The following SHOX variants were observed in gnomAD, a reference collection of about 807,000 sequenced individuals.
SHOX encodes the protein short stature homeobox protein.
In SHOX, 12 loss-of-function variants were observed where a neutral mutation model predicts 29.6. The observed-to-expected ratio is 0.41, with a 90% CI of 0.26 to 0.66. The LOEUF is 0.66. Ranked by LOEUF, SHOX falls within the 30% of genes least tolerant of loss-of-function variation. SHOX has a pLI of 0.35. For synonymous variants in SHOX, 214 were observed against 200.6 expected, an observed-to-expected ratio of 1.07 and a Z score of -0.57; for missense variants, 499 against 437.7, an observed-to-expected ratio of 1.14 and a Z score of -1.25.
In SHOX at chrX:645,390, A is replaced by ATTTTTTTTTTTTTTTTTT. The variant is rs1168989193; in HGVS notation, c.*770_*787dup. 3.8e-5 allele frequency: 3 copies of ATTTTTTTTTTTTTTTTTT among 78,364 alleles called. No homozygotes were observed. Among genetic ancestry groups the ATTTTTTTTTTTTTTTTTT allele is most frequent in the Non-Finnish European group, 4.7e-5 (2 of 42,272 alleles). The allele number at this position is 78,364 out of a possible 1,614,324, so 4.9% of individuals were successfully genotyped here. A position where few individuals can be genotyped will look rare whatever the true frequency, so the allele number is the denominator to read the frequency against. ...GGGTCTGGTTTTGTTTTGGATTGGT[A>ATTTTTTTTTTTTTTTTTT]TTTTTTTTTTTTTTTTTTTTTTTTT... is the stretch of plus-strand genomic sequence containing the variant. On this transcript the variant is annotated 3_prime_UTR_variant, in exon 5 of 5. Coordinates refer to ENST00000686671, the MANE Select transcript of SHOX (RefSeq NM_000451.4).
At chrX:639,016 ACCAGGCATAGGCTAAACTGCCTGCACTCT>A (rs1211183595) in intron 2 of SHOX, among the ~76,000 whole-genome samples, 30 of 152,172 alleles carry the variant, frequency 2.0e-4, no homozygotes, top group Admixed American at 2.0e-3. Flanking sequence ...TGTCCAGATT[ACCAGGCATAGGCTAAACTGCCTGCACTCT>A]CCAGCTGGTC....
intron 1 of SHOX, among the ~76,000 whole-genome samples, chrX:625,221 C>A: frequency 7.8e-6 from 1 of 128,886 alleles, no homozygotes; most frequent in East Asian, 2.5e-4. Context: ...TCCTCCTCCT[C>A]CTTCTCCCTC....
At chrX:638,327 T>G (rs1569494273) in intron 2 of SHOX, among the ~76,000 whole-genome samples, 2 of 152,074 alleles carry the variant, frequency 1.3e-5, no homozygotes, top group Admixed American at 1.3e-4. Context: ...AGGATTTTCT[T>G]TTTTGAAAAA....
chrX:650,062 G>C lies in SHOX; in HGVS notation c.*5426G>C, dbSNP rs2053031027. The C allele has an allele frequency of 2.2e-6, 1 of 454,506 alleles. No individual in the cohort carries two copies. Among genetic ancestry groups the C allele is most frequent in the Admixed American group, 2.4e-5 (1 of 42,296 alleles). 28.2% of individuals were successfully genotyped at this position (454,506 alleles called of 1,614,324 possible). A position where few individuals can be genotyped will look rare whatever the true frequency, so the allele number is the denominator to read the frequency against. On this transcript the variant is annotated 3_prime_UTR_variant, in exon 5 of 5. Coordinates refer to ENST00000686671, the MANE Select transcript of SHOX (RefSeq NM_000451.4). Reference sequence around the variant, plus strand: ...TGTTCCTGGCAATTGCCAAGAGTTAGAAAAATGCACCTTCTCTGGTGGCCG... The same window carrying C: ...TGTTCCTGGCAATTGCCAAGAGTTACAAAAATGCACCTTCTCTGGTGGCCG...
intron 1 of SHOX, 115 bp downstream of exon 1, chrX:631,289 C>T: frequency 7.5e-7 from 1 of 1,332,914 alleles, no homozygotes; most frequent in Non-Finnish European, 1.1e-6. Context: ...CCCGTCTCGC[C>T]AGGGTAAGGC....
chrX:632,429 G>T (rs1019876456), intron 1 of SHOX, among the ~76,000 whole-genome samples: 1 of 152,210 alleles, frequency 6.6e-6, no homozygotes, highest in African/African-American at 2.4e-5. Flanking sequence ...AGACGGCTAT[G>T]GACGCCTGTT....
In SHOX at chrX:624,873, T is replaced by TC. The variant is rs1169681247; in HGVS notation, c.-433+272dup. 3.5e-3 allele frequency among the ~76,000 whole-genome samples: 186 copies of TC among 53,618 alleles called. 1 individual carries two copies. Among genetic ancestry groups the TC allele is most frequent in the Middle Eastern group, 8.1e-3 (1 of 124 alleles). The allele number at this position is 53,618 out of a possible 152,430, so 35.2% of individuals were successfully genotyped here. A position where few individuals can be genotyped will look rare whatever the true frequency, so the allele number is the denominator to read the frequency against. On this transcript the variant is annotated intron_variant, in intron 1 of 5. Transcript: ENST00000334060. ...TTCCTCTTTCTTTCTTTTCTTTCTT[T>TC]CTTTCTTTCTTTCTTTCTTTCTTTC...
Position 634,702 on chromosome X carries a change from G to T in SHOX, c.362G>T (p.Arg121Leu). ...GQTKLKQRRSRTNFTLEQLNE... is the reference protein window; with the variant it reads ...GQTKLKQRRSLTNFTLEQLNE... Reference sequence around the variant, plus strand: ...ACCAAGCTGAAACAGAGGCGCAGCCGCACCAACTTCACGCTGGAGCAGCTG... The same window carrying T: ...ACCAAGCTGAAACAGAGGCGCAGCCTCACCAACTTCACGCTGGAGCAGCTG... Residue 121 changes from arginine to leucine, a missense_variant, in exon 2 of 5, where the codon CGC (arginine) becomes CTC (leucine). Transcript: ENST00000686671. 6.2e-7 allele frequency: 1 copy of T among 1,613,818 alleles called. No individual in the cohort carries two copies. The highest frequency in any genetic ancestry group is 8.5e-7 in the Non-Finnish European group (1 of 1,179,840).
At chrX:652,540 T>G (rs370111520), downstream of SHOX, among the ~76,000 whole-genome samples, 211 of 151,938 alleles carry the variant, frequency 1.4e-3, no homozygotes, top group African/African-American at 4.9e-3. Context: ...GCTTTCTCTG[T>G]GGGGGGCTCA....
chrX:636,964 A>G (rs895130038), intron 2 of SHOX, among the ~76,000 whole-genome samples: 3 of 139,650 alleles, frequency 2.1e-5, no homozygotes, highest in Admixed American at 7.2e-5. Context: ...ATATATATAT[A>G]TATATATTTT....
At chrX:626,198 C>G (rs2052529335), upstream of SHOX, among the ~76,000 whole-genome samples, 1 of 133,750 alleles carries the variant, frequency 7.5e-6, no homozygotes, top group Non-Finnish European at 1.6e-5. Flanking sequence ...TCGTTCCTCT[C>G]TCTCTTTTTC....
Position 630,958 on chromosome X carries a change from G to A in SHOX, c.61G>A (p.Gly21Ser), listed in dbSNP as rs773266910. 1.9e-6 allele frequency: 3 copies of A among 1,613,304 alleles called. No individual in the cohort carries two copies. Among genetic ancestry groups the A allele is most frequent in the East Asian group, 2.2e-5 (1 of 44,870 alleles). ...TGACCAGAAAAGCAAGGACGGTAACGGCGGAGGCGGAGGCGGCGGAGGTAA... is the reference window on the plus strand; with the variant it reads ...TGACCAGAAAAGCAAGGACGGTAACAGCGGAGGCGGAGGCGGCGGAGGTAA... Reference protein sequence around the residue: ...SFDQKSKDGNGGGGGGGGKKD... With the variant: ...SFDQKSKDGNSGGGGGGGKKD... The change falls in exon 1 of 5, where the codon GGC becomes AGC. Residue 21 changes from glycine (G) to serine (S), a missense_variant. Coordinates refer to ENST00000686671, the MANE Select transcript of SHOX (RefSeq NM_000451.4).
chrX:627,629 G>C (rs2052561622), upstream of SHOX, among the ~76,000 whole-genome samples: 1 of 151,994 alleles, frequency 6.6e-6, no homozygotes, highest in African/African-American at 2.4e-5. Flanking sequence ...AGTTGAAAAA[G>C]GGCCTTTGCT....
In SHOX at chrX:645,187, C is replaced by G. The variant is rs927374492; in HGVS notation, c.*551C>G. Reference sequence around the variant, plus strand: ...GGCCGGGCTCTCCTCCACCGCTCCCCCGGAGCCTCCCAGGCAGCAATAAGG... The same window carrying G: ...GGCCGGGCTCTCCTCCACCGCTCCCGCGGAGCCTCCCAGGCAGCAATAAGG... On this transcript the variant is annotated 3_prime_UTR_variant, in exon 5 of 5. Coordinates refer to ENST00000686671, the MANE Select transcript of SHOX (RefSeq NM_000451.4). 3.9e-5 allele frequency: 6 copies of G among 152,322 alleles called. No individual in the cohort carries two copies. Among genetic ancestry groups the G allele is most frequent in the African/African-American group, 1.2e-4 (5 of 41,434 alleles). The allele number at this position is 152,322 out of a possible 1,614,324, so 9.4% of individuals were successfully genotyped here. A position where few individuals can be genotyped will look rare whatever the true frequency, so the allele number is the denominator to read the frequency against.
intron 2 of SHOX, among the ~76,000 whole-genome samples, chrX:637,949 G>T (rs1038286006): frequency 2.0e-5 from 3 of 152,128 alleles, no homozygotes; most frequent in Non-Finnish European, 4.4e-5. Context: ...GCTTCTAATC[G>T]AAAGTTATGA....
intron 1 of SHOX, among the ~76,000 whole-genome samples, chrX:624,870 C>CTTTCT (rs764615151): frequency 0.036 from 1,780 of 49,624 alleles, 23 homozygotes; most frequent in African/African-American, 0.14. Context: ...TCTTTTCTTT[C>CTTTCT]TTTCTTTCTT....
At position 648,638 on chromosome X, in the gene SHOX, C is replaced by T. The variant is rs181628781; in HGVS notation, c.*4002C>T. Among the ~76,000 whole-genome samples the T allele has an allele frequency of 2.0e-5, 3 of 152,282 alleles. No individual in the cohort carries two copies. The highest frequency in any genetic ancestry group is 1.9e-4 in the East Asian group (1 of 5,180). On this transcript the variant is annotated 3_prime_UTR_variant, in exon 5 of 5. Coordinates refer to ENST00000686671, the MANE Select transcript of SHOX (RefSeq NM_000451.4). ...AGTGTCATCCTCACAAATGGGTCCC[C>T]GAAGCAGATCAAACGCAGAGAACTG...
chrX:626,893 C>G (rs1486333802), upstream of SHOX, among the ~76,000 whole-genome samples: 2 of 151,350 alleles, frequency 1.3e-5, no homozygotes, highest in African/African-American at 2.4e-5. Flanking sequence ...CTCTCTGTCT[C>G]TTTTTCTCTG....
At chrX:634,250 C>T (rs964556869) in intron 1 of SHOX, among the ~76,000 whole-genome samples, 1 of 152,176 alleles carries the variant, frequency 6.6e-6, no homozygotes, top group African/African-American at 2.4e-5. Context: ...CCGGGCGTCC[C>T]GCCGGGGATC....
Sources: gnomAD v4.1 joint callset for allele counts (sites outside exome capture counted in the v4.1 genomes callset) on GRCh38, gnomAD v4.1.1 for gene constraint, MANE v1.5 for transcripts, NCBI Gene and HGNC (gene_info 2026-07-23, HGNC 2026-07-21) for gene names.